SREBF2: variants seen among roughly 807,000 people sequenced by gnomAD.
The protein encoded by SREBF2 is sterol regulatory element-binding protein 2.
In SREBF2, 55 loss-of-function variants were observed where a neutral mutation model predicts 113.1. The ratio of observed to expected loss-of-function variants is 0.49; its 90% confidence interval spans 0.39 to 0.61. SREBF2 has a LOEUF of 0.61. Ranked by LOEUF, SREBF2 falls within the 20% of genes least tolerant of loss-of-function variation. The probability of loss-of-function intolerance (pLI) is 0.00; values close to 1 mark genes in which losing one functional copy is unlikely to be tolerated. For synonymous variants in SREBF2, 593 were observed against 605.7 expected, an observed-to-expected ratio of 0.98 and a Z score of 0.31; for missense variants, 1,349 against 1,487.4, an observed-to-expected ratio of 0.91 and a Z score of 1.53.
intron 2 of SREBF2, 115 bp downstream of exon 2, chr22:41,867,395 C>T: frequency 8.6e-7 from 1 of 1,161,258 alleles, no homozygotes. Flanking sequence ...TCAATATGGT[C>T]CTGTCTGAAT....
chr22:41,838,732 C>CA (rs1158784047), intron 1 of SREBF2, among the ~76,000 whole-genome samples: 1 of 151,506 alleles, frequency 6.6e-6, no homozygotes, highest in African/African-American at 2.4e-5. Flanking sequence ...GACCTTGTCT[C>CA]AAAAAAATAA....
At chr22:41,903,422 G>A (rs577496819) in intron 17 of SREBF2, among the ~76,000 whole-genome samples, 1 of 152,222 alleles carries the variant, frequency 6.6e-6, no homozygotes, top group African/African-American at 2.4e-5. Context: ...ACAGACAGGG[G>A]CCAGCAGGGA....
rs746726233 is a variant in SREBF2 at position 41,873,821 on chromosome 22, C to A, written c.891C>A (p.Thr297=). The A allele has an allele frequency of 8.1e-6, 13 of 1,610,478 alleles. No homozygotes were observed. The East Asian group carries it at 2.9e-4, about 36-fold the overall frequency. The part of the protein sequence containing the change: ...QVPTLVGSSG[T]ILTTMPVMMG... ...AGACCCTGGTGGGCAGCAGTGGGAC[C>A]ATTCTGACCACAATGCCTGTAATGA... Residue 297 remains threonine, a synonymous_variant, in exon 5 of 19, where the codon ACC becomes ACA. Transcript: ENST00000361204.
At chr22:41,867,340 C>T (rs1038704982) in intron 2 of SREBF2, 60 bp downstream of exon 2, 11 of 1,555,068 alleles carry the variant, frequency 7.1e-6, no homozygotes, top group Non-Finnish European at 9.7e-6. Context: ...TGCCAGTTTG[C>T]AGACACTGTA....
chr22:41,870,676 C>G (rs1225897312), intron 3 of SREBF2, among the ~76,000 whole-genome samples: 1 of 151,014 alleles, frequency 6.6e-6, no homozygotes, highest in African/African-American at 2.4e-5. Flanking sequence ...TAGCTAGCCC[C>G]TCTTTCTCCA....
chr22:41,863,714 C>T (rs977942250), intron 1 of SREBF2, among the ~76,000 whole-genome samples: 1 of 152,082 alleles, frequency 6.6e-6, no homozygotes, highest in African/African-American at 2.4e-5. Context: ...AATAATACCA[C>T]TATGTAGGAA....
chr22:41,900,079 G>A (rs948285225), intron 15 of SREBF2: 46 of 1,410,512 alleles, frequency 3.3e-5, no homozygotes, highest in East Asian at 5.4e-5. Flanking sequence ...AGCAGCAGAC[G>A]TGATGGTGAA....
chr22:41,864,261 T>TACACAC lies in SREBF2; in HGVS notation c.89-2552_89-2547dup, dbSNP rs1158750306. ...ATATATATATATATATATATATATA[T>TACACAC]ACACACACACACACACACACACAAA... On this transcript the variant is annotated intron_variant, in intron 1 of 18. Coordinates refer to ENST00000361204, the MANE Select transcript of SREBF2 (RefSeq NM_004599.4). 1.3e-3 allele frequency among the ~76,000 whole-genome samples: 64 copies of TACACAC among 50,996 alleles called. 2 individuals carry two copies. Among genetic ancestry groups the TACACAC allele is most frequent in the South Asian group, 2.5e-3 (3 of 1,208 alleles). 33.5% of individuals were successfully genotyped at this position (50,996 alleles called of 152,430 possible).
chr22:41,871,347 C>G (rs115405655), intron 4 of SREBF2, among the ~76,000 whole-genome samples: 376 of 152,182 alleles, frequency 2.5e-3, no homozygotes, highest in African/African-American at 8.9e-3. Flanking sequence ...CTGAAGGACC[C>G]TAGGGCCACC....
chr22:41,840,788 A>T lies in SREBF2; in HGVS notation c.88+7430A>T, dbSNP rs141507494. 1.8e-4 allele frequency among the ~76,000 whole-genome samples: 27 copies of T among 152,180 alleles called. 1 individual carries two copies. The East Asian group carries it at 5.2e-3, about 29-fold the overall frequency. ...TTCCATGACAACGTGCCTTGATGTG[A>T]CTGGGCCGACAGTCACTGTCCCAAC... On this transcript the variant is annotated intron_variant, in intron 1 of 18. Transcript: ENST00000361204.
chr22:41,843,379 T>G (rs2076846447), intron 1 of SREBF2, among the ~76,000 whole-genome samples: 1 of 152,262 alleles, frequency 6.6e-6, no homozygotes, highest in Non-Finnish European at 1.5e-5. Flanking sequence ...TGCTGGCAAA[T>G]AAACAAGTTC....
chr22:41,871,872 C>G (rs935788429), intron 4 of SREBF2, among the ~76,000 whole-genome samples: 1 of 144,574 alleles, frequency 6.9e-6, no homozygotes, highest in Non-Finnish European at 1.5e-5. Context: ...GCACTCCAGC[C>G]TGGATGACAG....
At chr22:41,900,621 C>A in intron 16 of SREBF2, 123 bp downstream of exon 16, 1 of 1,030,306 alleles carries the variant, frequency 9.7e-7, no homozygotes, top group Non-Finnish European at 1.4e-6. Flanking sequence ...ACCAGGACAG[C>A]AGCCCCCTTT....
chr22:41,904,714 CAG>C, intron 17 of SREBF2, 147 bp from the exon 18 acceptor site: 1 of 731,994 alleles, frequency 1.4e-6, no homozygotes, highest in Non-Finnish European at 2.5e-6. Flanking sequence ...TACGGGACAA[CAG>C]AGGTTGCTTT....
intron 4 of SREBF2, among the ~76,000 whole-genome samples, chr22:41,872,936 G>A (rs926777282): frequency 2.0e-5 from 3 of 151,840 alleles, no homozygotes; most frequent in East Asian, 1.9e-4. Flanking sequence ...GGTGGCTCAC[G>A]CCTGTAATCC....
intron 16 of SREBF2, among the ~76,000 whole-genome samples, chr22:41,902,520 C>T (rs2077473405): frequency 6.6e-6 from 1 of 152,140 alleles, no homozygotes; most frequent in South Asian, 2.1e-4. Context: ...CCCACTCCTC[C>T]TCCTCCTTCC....
intron 4 of SREBF2, among the ~76,000 whole-genome samples, chr22:41,871,726 T>C (rs1367855488): frequency 6.6e-6 from 1 of 151,490 alleles, no homozygotes; most frequent in African/African-American, 2.4e-5. Flanking sequence ...ACCCCATTTC[T>C]ACTAAAAATA....
intron 1 of SREBF2, among the ~76,000 whole-genome samples, chr22:41,843,347 T>A (rs2148343606): frequency 6.6e-6 from 1 of 152,388 alleles, no homozygotes; most frequent in East Asian, 1.9e-4. Context: ...TAGGCCTGTT[T>A]TGTACTGGGC....
rs147961321 is a variant in SREBF2, at chr22:41,875,050, G to A, written c.1090-287G>A. ...AATATTTATTGAGTGTCAACTATTT[G>A]CCAGGCTCAGGGCTAAGCCCTTTAC... On this transcript the variant is annotated intron_variant, in intron 5 of 18. Transcript: ENST00000361204. Among the ~76,000 whole-genome samples the A allele has an allele frequency of 4.1e-3, 622 of 151,974 alleles. 18 individuals are homozygous for A. Among genetic ancestry groups the A allele is most frequent in the East Asian group, 0.021 (107 of 5,144 alleles).
Sources: allele counts gnomAD v4.1 joint callset (sites outside exome capture counted in the v4.1 genomes callset), GRCh38; gene constraint gnomAD v4.1.1; transcripts MANE v1.5; gene names NCBI Gene and HGNC (gene_info 2026-07-23, HGNC 2026-07-21).